CHD2: variants seen among roughly 807,000 people sequenced by gnomAD.
CHD2 encodes chromodomain helicase DNA binding protein 2, also known as ATP-dependent chromatin remodeler CHD2.
In CHD2, 28 loss-of-function variants were observed where a neutral mutation model predicts 243.9. The ratio of observed to expected loss-of-function variants is 0.11; its 90% confidence interval spans 0.09 to 0.16. The LOEUF is 0.16. Among genes scored for constraint, CHD2 ranks in the 10% least tolerant of loss-of-function variants. The pLI is 1.00. For synonymous variants in CHD2, 775 were observed against 779.0 expected (o/e 0.99, Z 0.09); for missense variants, 1,386 against 2,209.8 (o/e 0.63, Z 7.47).
At chr15:92,966,584 C>T (rs1169759967) in intron 16 of CHD2, among the ~76,000 whole-genome samples, 3 of 152,054 alleles carry the variant, frequency 2.0e-5, no homozygotes, top group Non-Finnish European at 2.9e-5. Context: ...CCGGGTGTTA[C>T]TAAGGCTGAT....
intron 26 of CHD2, among the ~76,000 whole-genome samples, chr15:92,989,250 T>C (rs2054086355): frequency 6.6e-6 from 1 of 152,128 alleles, no homozygotes; most frequent in African/African-American, 2.4e-5. Context: ...CAGGCTGGTC[T>C]CGAACGCCTG....
chr15:93,008,770 A>G (rs1439679645), intron 34 of CHD2, among the ~76,000 whole-genome samples: 2 of 152,176 alleles, frequency 1.3e-5, no homozygotes, highest in African/African-American at 2.4e-5. Flanking sequence ...TGCAAATATT[A>G]TATCCCGTAT....
At chr15:92,909,076 A>ACACCACG in intron 2 of CHD2, among the ~76,000 whole-genome samples, 2 of 151,144 alleles carry the variant, frequency 1.3e-5, no homozygotes, top group East Asian at 3.9e-4. Context: ...ATGAACTGAC[A>ACACCACG]CACCACTGCA....
chr15:92,980,248 A>T (rs1195715108), intron 22 of CHD2, among the ~76,000 whole-genome samples: 1 of 143,568 alleles, frequency 7.0e-6, no homozygotes, highest in African/African-American at 2.6e-5. Context: ...TTTAGTAGAG[A>T]CAGGGTTTTT....
At chr15:92,912,838 C>G (rs2052765498) in intron 2 of CHD2, among the ~76,000 whole-genome samples, 1 of 152,236 alleles carries the variant, frequency 6.6e-6, no homozygotes, top group Non-Finnish European at 1.5e-5. Flanking sequence ...GCGTGAGCCA[C>G]TGCGCCAGGC....
At chr15:92,980,138 A>T (rs1214131835) in intron 22 of CHD2, among the ~76,000 whole-genome samples, 1 of 150,408 alleles carries the variant, frequency 6.6e-6, no homozygotes, top group Admixed American at 6.6e-5. Context: ...TCTGTCTCCT[A>T]GGTTGAAGTG....
At chr15:92,980,216 T>C (rs1446145956) in intron 22 of CHD2, among the ~76,000 whole-genome samples, 1 of 91,642 alleles carries the variant, frequency 1.1e-5, no homozygotes, top group African/African-American at 3.2e-5. Flanking sequence ...AGCTAATTTT[T>C]TTTTTCTTTT....
At chr15:92,948,615 C>T (rs1406517474) in intron 12 of CHD2, among the ~76,000 whole-genome samples, 5 of 152,168 alleles carry the variant, frequency 3.3e-5, no homozygotes, top group South Asian at 2.1e-4. Context: ...GGGCAGATCA[C>T]GAGGTCAGGA....
At chr15:93,008,995 C>A in intron 34 of CHD2, 150 bp from the exon 35 acceptor site, 1 of 820,414 alleles carries the variant, frequency 1.2e-6, no homozygotes, top group Non-Finnish European at 1.9e-6. Context: ...AATACTTACA[C>A]TTACTCCACT....
intron 24 of CHD2, among the ~76,000 whole-genome samples, chr15:92,983,538 G>C (rs752226442): frequency 2.6e-5 from 4 of 152,136 alleles, no homozygotes. Context: ...TAGGAGGGAG[G>C]GAATAAGAAG....
chr15:92,940,985 A>G (rs1295258899), intron 7 of CHD2, among the ~76,000 whole-genome samples: 3 of 120,524 alleles, frequency 2.5e-5, no homozygotes, highest in African/African-American at 9.7e-5. Flanking sequence ...AAATATAAAT[A>G]TATATATAAA....
chr15:92,908,564 A>C (rs1252618266), intron 2 of CHD2, among the ~76,000 whole-genome samples: 7 of 151,966 alleles, frequency 4.6e-5, no homozygotes, highest in African/African-American at 1.2e-4. Flanking sequence ...CTGTGTTTCA[A>C]ATTTGCATGT....
rs376550364 is a variant in CHD2, at chr15:92,998,565, T to A, written c.3952T>A (p.Leu1318Met). The A allele has an allele frequency of 2.5e-6, 4 of 1,613,680 alleles. No homozygotes were observed. The highest frequency in any genetic ancestry group is 2.5e-6 in the Non-Finnish European group (3 of 1,179,990). The change falls in exon 31 of 39, where the codon TTG becomes ATG. Residue 1318 changes from leucine to methionine, a missense_variant. Physicochemically the swap from Leu to Met is conservative, Grantham distance 15. This residue lies in a region of CHD2 where 99 missense variants were observed against 176.9 expected (regional missense o/e 0.56). Transcript: ENST00000394196. The surrounding 1 kb of genome is among the most constrained non-coding windows in gnomAD (Gnocchi z 5.1). ...GCTACAGACCCGAGCGGATTACTTG[T>A]TGAAGCTGCTCAGAAAGGGTCTGGA... ...KQLQTRADYL[L>M]KLLRKGLEKK...
intron 2 of CHD2, chr15:92,904,515 G>A (rs2052582562): frequency 1.0e-6 from 1 of 995,714 alleles, no homozygotes. Flanking sequence ...AACTCTAGTT[G>A]GGACTTTCCG....
chr15:92,939,537 T>G (rs775418807), intron 6 of CHD2, 41 bp from the exon 7 acceptor site: 2 of 1,594,008 alleles, frequency 1.3e-6, no homozygotes, highest in South Asian at 1.1e-5. Flanking sequence ...CACCAAATGA[T>G]AAAGTGAAGA....
At chr15:93,007,689 T>C (rs2054338556) in intron 34 of CHD2, among the ~76,000 whole-genome samples, 1 of 150,810 alleles carries the variant, frequency 6.6e-6, no homozygotes, top group Non-Finnish European at 1.5e-5. Flanking sequence ...TCTTGAATTA[T>C]ATGGTGGTAA....
intron 16 of CHD2, among the ~76,000 whole-genome samples, chr15:92,966,081 T>G (rs1316808215): frequency 6.7e-6 from 1 of 150,348 alleles, no homozygotes; most frequent in Non-Finnish European, 1.5e-5. Context: ...TTTTTTTTTT[T>G]TTGAGACAGA....
chr15:92,917,563 AAAAC>A (rs774044746), intron 2 of CHD2, among the ~76,000 whole-genome samples: 16 of 152,250 alleles, frequency 1.1e-4, no homozygotes, highest in Non-Finnish European at 1.8e-4. Context: ...TTGGTCTCAA[AAAAC>A]AAACAAGCAA....
intron 26 of CHD2, among the ~76,000 whole-genome samples, chr15:92,990,925 A>G (rs2054110494): frequency 6.6e-6 from 1 of 152,256 alleles, no homozygotes; most frequent in Non-Finnish European, 1.5e-5. Flanking sequence ...AGAGGTCAGT[A>G]GAGTTTCCAA....
Sources: gnomAD v4.1 joint callset for allele counts (sites outside exome capture counted in the v4.1 genomes callset) on GRCh38, gnomAD v4.1.1 for gene constraint, gnomAD v4.1.1 regional missense constraint, Gnocchi (gnomAD v3.1) non-coding constraint, MANE v1.5 for transcripts, NCBI Gene and HGNC (gene_info 2026-07-23, HGNC 2026-07-21) for gene names.